Variants in NME7 observed in about 807,000 individuals in gnomAD.
NME7 encodes the protein nucleoside diphosphate kinase 7.
NME7 carries 41 observed loss-of-function variants against 49.1 expected under a neutral mutation model. The observed-to-expected ratio is 0.83, with a 90% CI of 0.65 to 1.08. The LOEUF (loss-of-function observed/expected upper bound fraction) is 1.08. Among genes scored for constraint, NME7 ranks in the 50% least tolerant of loss-of-function variants. NME7 has a pLI of 0.00. For synonymous variants in NME7, 139 were observed against 150.6 expected (o/e 0.92, Z 0.56); for missense variants, 423 against 463.4 (o/e 0.91, Z 0.80).
chr1:169,169,760 T>C (rs1410967640), intron 10 of NME7, among the ~76,000 whole-genome samples: 2 of 152,176 alleles, frequency 1.3e-5, no homozygotes, highest in Non-Finnish European at 2.9e-5. Flanking sequence ...TATCAATAGA[T>C]TATGGGAATC....
intron 7 of NME7, among the ~76,000 whole-genome samples, chr1:169,247,700 T>C (rs1002540378): frequency 3.3e-5 from 5 of 152,116 alleles, no homozygotes; most frequent in African/African-American, 1.2e-4. Context: ...TGCATACCCG[T>C]ATCTTGGTTC....
intron 2 of NME7, among the ~76,000 whole-genome samples, chr1:169,323,974 C>T (rs1256059917): frequency 2.6e-5 from 4 of 151,668 alleles, no homozygotes; most frequent in African/African-American, 9.7e-5. Flanking sequence ...CTGCCTCAGC[C>T]TCCCGAGTAG....
intron 1 of NME7, among the ~76,000 whole-genome samples, chr1:169,332,246 T>A (rs914274007): frequency 1.3e-5 from 2 of 152,072 alleles, no homozygotes; most frequent in Non-Finnish European, 2.9e-5. Flanking sequence ...TAAATGGTGC[T>A]GGGAAAACTA....
At chr1:169,139,503 C>G (rs1658530226) in intron 11 of NME7, among the ~76,000 whole-genome samples, 1 of 152,160 alleles carries the variant, frequency 6.6e-6, no homozygotes, top group Admixed American at 6.5e-5. Context: ...GGCCAGGTAA[C>G]CTTGAGCAAG....
chr1:169,162,909 T>C (rs966997602), intron 11 of NME7, among the ~76,000 whole-genome samples: 20 of 152,264 alleles, frequency 1.3e-4, no homozygotes, highest in Admixed American at 6.5e-5. Context: ...GAATTAAAAT[T>C]TGAACATACT....
At chr1:169,244,725 AT>A (rs1370855864) in intron 7 of NME7, among the ~76,000 whole-genome samples, 2 of 152,140 alleles carry the variant, frequency 1.3e-5, no homozygotes, top group Admixed American at 6.6e-5. Context: ...ATAGTTAATA[AT>A]CTAATAGTTT....
chr1:169,154,942 T>G (rs977921631), intron 11 of NME7, among the ~76,000 whole-genome samples: 1 of 152,082 alleles, frequency 6.6e-6, no homozygotes, highest in Non-Finnish European at 1.5e-5. Context: ...TCTTTATTTT[T>G]AAAATATGTT....
intron 1 of NME7, among the ~76,000 whole-genome samples, chr1:169,363,222 G>A (rs529076783): frequency 6.6e-6 from 1 of 151,608 alleles, no homozygotes; most frequent in South Asian, 2.1e-4. Flanking sequence ...TGGGTGACAG[G>A]GCAATATCCT....
intron 4 of NME7, among the ~76,000 whole-genome samples, chr1:169,307,880 C>T (rs924837311): frequency 2.6e-5 from 4 of 151,946 alleles, no homozygotes; most frequent in African/African-American, 7.2e-5. Context: ...ATTACCCGGG[C>T]GTGGTGGTGT....
intron 10 of NME7, among the ~76,000 whole-genome samples, chr1:169,225,246 T>C (rs1358937957): frequency 6.6e-6 from 1 of 152,120 alleles, no homozygotes; most frequent in Non-Finnish European, 1.5e-5. Context: ...GTAGTTAGGA[T>C]TACAGGTGCC....
At chr1:169,228,505 G>C (rs113113237) in intron 10 of NME7, among the ~76,000 whole-genome samples, 1 of 150,966 alleles carries the variant, frequency 6.6e-6, no homozygotes, top group Non-Finnish European at 1.5e-5. Flanking sequence ...GTGAAACCCC[G>C]TCTCTACTAA....
At chr1:169,168,496 A>G (rs1659479324) in intron 11 of NME7, among the ~76,000 whole-genome samples, 1 of 152,126 alleles carries the variant, frequency 6.6e-6, no homozygotes, top group Admixed American at 6.5e-5. Context: ...CACAAATGCA[A>G]TCATAGCATA....
At chr1:169,351,120 C>T (rs1653156871) in intron 1 of NME7, among the ~76,000 whole-genome samples, 1 of 151,952 alleles carries the variant, frequency 6.6e-6, no homozygotes, top group African/African-American at 2.4e-5. Flanking sequence ...GAATAAAATT[C>T]TCAAAAACAA....
rs998925533 is a variant in NME7, at chr1:169,260,896, G to C, written c.755-23209C>G. Among the ~76,000 whole-genome samples the C allele has an allele frequency of 3.8e-5, 5 of 132,764 alleles. 1 individual carries two copies. Among genetic ancestry groups the C allele is most frequent in the African/African-American group, 1.3e-4 (5 of 38,884 alleles). The allele number at this position is 132,764 out of a possible 152,430, so 87.1% of individuals were successfully genotyped here. A position where few individuals can be genotyped will look rare whatever the true frequency, so the allele number is the denominator to read the frequency against. On this transcript the variant is annotated intron_variant, in intron 7 of 11. Coordinates refer to ENST00000367811, the MANE Select transcript of NME7 (RefSeq NM_013330.5). ...TGAATGAAAAACAGGCAAGAGGAGT[G>C]GCACTGTCATCAAAATTCTGCATAA...
In NME7 at chr1:169,273,568, G is replaced by A. The variant is rs188461263; in HGVS notation, c.754+13735C>T. On this transcript the variant is annotated intron_variant, in intron 7 of 11. Transcript: ENST00000367811. ...GCTGGTGTGCTGCACCCATTGACTC[G>A]TCATTTAGCATTAGGTATATCTCCT... 6.2e-5 allele frequency among the ~76,000 whole-genome samples: 8 copies of A among 129,536 alleles called. 1 individual carries two copies. Among genetic ancestry groups the A allele is most frequent in the East Asian group, 2.0e-4 (1 of 4,920 alleles). The allele number at this position is 129,536 out of a possible 152,430, so 85.0% of individuals were successfully genotyped here.
intron 7 of NME7, among the ~76,000 whole-genome samples, chr1:169,279,113 G>T (rs573858360): frequency 6.6e-6 from 1 of 152,320 alleles, no homozygotes; most frequent in African/African-American, 2.4e-5. Flanking sequence ...GTGCCTCCCA[G>T]TTAGGCTGCT....
At chr1:169,156,154 C>CAAAAAA (rs71121729) in intron 11 of NME7, among the ~76,000 whole-genome samples, 4 of 135,912 alleles carry the variant, frequency 2.9e-5, no homozygotes, top group East Asian at 2.5e-4. Flanking sequence ...CCTGTCTCTA[C>CAAAAAA]AAAAAAAAAT....
At chr1:169,280,335 C>A (rs917972214) in intron 7 of NME7, among the ~76,000 whole-genome samples, 4 of 152,036 alleles carry the variant, frequency 2.6e-5, no homozygotes, top group Non-Finnish European at 5.9e-5. Flanking sequence ...TGTTTACATT[C>A]TTTGTAGATT....
At chr1:169,139,048 T>C (rs1436247920) in intron 11 of NME7, among the ~76,000 whole-genome samples, 1 of 152,210 alleles carries the variant, frequency 6.6e-6, no homozygotes, top group African/African-American at 2.4e-5. Context: ...CAGATGTTTG[T>C]TGCTTCTGTT....
Sources: allele counts gnomAD v4.1 joint callset (sites outside exome capture counted in the v4.1 genomes callset), GRCh38; gene constraint gnomAD v4.1.1; transcripts MANE v1.5; gene names NCBI Gene and HGNC (gene_info 2026-07-23, HGNC 2026-07-21).